The following SLC18A2 variants were observed in gnomAD, a reference collection of about 807,000 sequenced individuals.
SLC18A2 encodes solute carrier family 18 member A2.
In SLC18A2, 33 loss-of-function variants were observed where a neutral mutation model predicts 59.2. That is an observed-to-expected ratio of 0.56 (90% CI 0.42 to 0.75). SLC18A2 has a LOEUF of 0.75. Among genes scored for constraint, SLC18A2 ranks in the 30% least tolerant of loss-of-function variants. SLC18A2 has a pLI of 0.00. For synonymous variants in SLC18A2, 228 were observed against 253.5 expected (o/e 0.90, Z 0.95); for missense variants, 569 against 668.6 (o/e 0.85, Z 1.64).
At chr10:117,255,732 C>A in intron 9 of SLC18A2, 75 bp downstream of exon 9, 1 of 1,377,898 alleles carries the variant, frequency 7.3e-7, no homozygotes, top group Non-Finnish European at 1.0e-6. Flanking sequence ...GGTGGATGGC[C>A]AGGGCTGATT....
rs749839776 is a variant in SLC18A2, at chr10:117,244,195, G to A, written c.346G>A (p.Asp116Asn). 9.9e-6 allele frequency: 16 copies of A among 1,614,094 alleles called. No individual in the cohort carries two copies. The African/African-American group carries it at 1.2e-4, about 12-fold the overall frequency. Residue 116 changes from aspartate to asparagine, a missense_variant, in exon 3 of 16, where the codon GAC becomes AAC. Asp to Asn is a conservative substitution (Grantham distance 23). Coordinates refer to ENST00000644641, the MANE Select transcript of SLC18A2 (RefSeq NM_003054.6). ...MVTNASAVPS[D>N]CPSEDKDLLN... is the part of the protein sequence containing the mutation. ...GACCAACGCGTCCGCTGTTCCTTCC[G>A]ACTGTCCCAGTGAAGACAAAGACCT...
At chr10:117,242,542 C>A (rs184622839) in intron 2 of SLC18A2, among the ~76,000 whole-genome samples, 1 of 152,206 alleles carries the variant, frequency 6.6e-6, no homozygotes, top group East Asian at 1.9e-4. Flanking sequence ...CAGGTTTTCT[C>A]ACAGCAGTTT....
At chr10:117,254,342 T>G (rs1234815752) in intron 5 of SLC18A2, 63 bp from the exon 6 acceptor site, 1 of 1,393,198 alleles carries the variant, frequency 7.2e-7, no homozygotes, top group Non-Finnish European at 9.9e-7. Flanking sequence ...GGAAGGCGAG[T>G]CACGCATTAT....
At chr10:117,244,680 C>A (rs965538185) in intron 3 of SLC18A2, among the ~76,000 whole-genome samples, 1 of 152,222 alleles carries the variant, frequency 6.6e-6, no homozygotes, top group Non-Finnish European at 1.5e-5. Context: ...TTTTATGAGC[C>A]ATGTGGCCTC....
chr10:117,273,047 T>C (rs746736884), intron 15 of SLC18A2, among the ~76,000 whole-genome samples: 1 of 152,242 alleles, frequency 6.6e-6, no homozygotes, highest in Middle Eastern at 3.2e-3. Flanking sequence ...TAGCAAATCA[T>C]TCTTCCATTA....
chr10:117,244,418 C>T, intron 3 of SLC18A2, 105 bp downstream of exon 3: 1 of 1,087,880 alleles, frequency 9.2e-7, no homozygotes, highest in Non-Finnish European at 1.3e-6. Context: ...TCTGGAAAAT[C>T]CATGGTGGGT....
rs1183048647 is a variant in SLC18A2 at position 117,241,818 on chromosome 10, C to T, written c.121+4C>T. ...AACATGCTGCTCACTGTCGTGGGTA[C>T]GTGCGGACAGGGCACCCCTGCCCCG... On this transcript the variant is annotated splice_donor_region_variant and intron_variant, in intron 2 of 15. Coordinates refer to ENST00000644641, the MANE Select transcript of SLC18A2 (RefSeq NM_003054.6). 2.1e-5 allele frequency: 34 copies of T among 1,603,772 alleles called. No individual in the cohort carries two copies. The highest frequency in any genetic ancestry group is 2.6e-5 in the Non-Finnish European group (31 of 1,176,156).
rs532551473 is a variant in SLC18A2, at chr10:117,278,513, T to G, written c.*1247T>G. On this transcript the variant is annotated 3_prime_UTR_variant, in exon 16 of 16. Transcript: ENST00000644641. ...TAACAGCAAATACTGTTAGTGAACA[T>G]TGTCAATTTATGTCATTTTGTTAAG... is the stretch of plus-strand genomic sequence containing the variant. 6.6e-6 allele frequency: 1 copy of G among 152,338 alleles called. No individual in the cohort carries two copies. The highest frequency in any genetic ancestry group is 1.5e-5 in the Non-Finnish European group (1 of 68,026). The allele number at this position is 152,338 out of a possible 1,614,324, so 9.4% of individuals were successfully genotyped here.
chr10:117,252,823 G>A (rs941161140), intron 3 of SLC18A2, among the ~76,000 whole-genome samples: 5 of 152,166 alleles, frequency 3.3e-5, no homozygotes, highest in African/African-American at 1.2e-4. Context: ...CTTTCCACCA[G>A]CCCTGTTGAC....
In SLC18A2 at chr10:117,270,354, CAA is replaced by C; in HGVS notation, c.1333_1334del (p.Lys445GlyfsTer15). 2 of 1,614,164 alleles carry C rather than the reference CAA, an allele frequency of 1.2e-6. No homozygotes were observed. Among genetic ancestry groups the C allele is most frequent in the Non-Finnish European group, 1.7e-6 (2 of 1,180,034 alleles). On this transcript the variant is annotated frameshift_variant, in exon 15 of 16. Transcript: ENST00000644641. LOFTEE classifies it high-confidence loss of function. The stretch of plus-strand genomic sequence containing the variant: ...GGTCCTTCTGCTGGTGGTGCTATTG[CAA>C]AGGCAATTGGATTTCCATGGCTCAT...
chr10:117,270,706 T>C (rs1173786003), intron 15 of SLC18A2, among the ~76,000 whole-genome samples: 1 of 152,232 alleles, frequency 6.6e-6, no homozygotes, highest in Non-Finnish European at 1.5e-5. Flanking sequence ...AGCATCAGTG[T>C]TGCTCTTTTG....
At chr10:117,254,582 C>T (rs1239163893) in intron 6 of SLC18A2, 85 bp downstream of exon 6, 19 of 915,908 alleles carry the variant, frequency 2.1e-5, no homozygotes, top group East Asian at 1.6e-4. Flanking sequence ...GTGACCCTGG[C>T]GCAGTTTGCA....
At chr10:117,260,863 G>A (rs745382401) in intron 10 of SLC18A2, among the ~76,000 whole-genome samples, 5 of 152,192 alleles carry the variant, frequency 3.3e-5, no homozygotes, top group South Asian at 2.1e-4. Context: ...AGAGCAGGGC[G>A]TCCTCAGAAA....
chr10:117,247,028 T>A (rs1844116845), intron 3 of SLC18A2, among the ~76,000 whole-genome samples: 1 of 152,240 alleles, frequency 6.6e-6, no homozygotes, highest in African/African-American at 2.4e-5. Flanking sequence ...GATATGAATT[T>A]GGGGACTGGG....
chr10:117,254,347 C>A, intron 5 of SLC18A2, 58 bp from the exon 6 acceptor site: 1 of 1,417,284 alleles, frequency 7.1e-7, no homozygotes, highest in Non-Finnish European at 9.7e-7. Context: ...GCGAGTCACG[C>A]ATTATTCTTT....
intron 3 of SLC18A2, among the ~76,000 whole-genome samples, chr10:117,250,151 ACCCAGGAGCTT>A: frequency 6.6e-6 from 1 of 152,278 alleles, no homozygotes; most frequent in East Asian, 1.9e-4. Flanking sequence ...GAGAACGGAG[ACCCAGGAGCTT>A]CCCAGGGAGT....
In SLC18A2 at chr10:117,243,972, C is replaced by T; in HGVS notation, c.123C>T (p.Val41=). 1.2e-6 allele frequency: 2 copies of T among 1,610,850 alleles called. No individual in the cohort carries two copies. The highest frequency in any genetic ancestry group is 1.7e-6 in the Non-Finnish European group (2 of 1,177,846). The change falls in exon 3 of 16, where the codon GTC becomes GTT. Residue 41 remains valine, a splice_region_variant and synonymous_variant. Transcript: ENST00000644641. Reference sequence around the variant, plus strand: ...TTGCCATTCTGCTCTTATCCCCAGTCCCCATCATCCCAAGTTATCTGTACA... The same window carrying T: ...TTGCCATTCTGCTCTTATCCCCAGTTCCCATCATCCCAAGTTATCTGTACA... The part of the protein sequence containing the change: ...LLDNMLLTVV[V]PIIPSYLYSI...
chr10:117,277,085 C>A, intron 15 of SLC18A2, 77 bp from the exon 16 acceptor site: 1 of 840,802 alleles, frequency 1.2e-6, no homozygotes, highest in Non-Finnish European at 1.9e-6. Flanking sequence ...ACTAATAATC[C>A]TTAAAAACAG....
Position 117,278,737 on chromosome 10 carries a change from C to T in SLC18A2, c.*1471C>T, listed in dbSNP as rs1367154343. On this transcript the variant is annotated 3_prime_UTR_variant, in exon 16 of 16. Transcript: ENST00000644641. Reference sequence around the variant, plus strand: ...CTTATTCTCTAGGAAAGTAACACTTCGTTTCATGAAGCTTTTCTGTGGGGC... The same window carrying T: ...CTTATTCTCTAGGAAAGTAACACTTTGTTTCATGAAGCTTTTCTGTGGGGC... The T allele has an allele frequency of 3.9e-5, 6 of 152,196 alleles. No homozygotes were observed. The highest frequency in any genetic ancestry group is 1.2e-4 in the African/African-American group (5 of 41,460). 9.4% of individuals were successfully genotyped at this position (152,196 alleles called of 1,614,324 possible).
Sources: gnomAD v4.1 joint callset for allele counts (sites outside exome capture counted in the v4.1 genomes callset) on GRCh38, gnomAD v4.1.1 for gene constraint, MANE v1.5 for transcripts, NCBI Gene and HGNC (gene_info 2026-07-23, HGNC 2026-07-21) for gene names.